The following RCBTB1 variants were observed in gnomAD, a reference collection of about 807,000 sequenced individuals.
RCBTB1 encodes RCC1 and BTB domain-containing protein 1.
In RCBTB1, 46 loss-of-function variants were observed where a neutral mutation model predicts 62.4. The observed-to-expected ratio is 0.74, with a 90% CI of 0.58 to 0.94. The LOEUF (loss-of-function observed/expected upper bound fraction) is 0.94. Ranked by LOEUF, RCBTB1 falls within the 40% of genes least tolerant of loss-of-function variation. RCBTB1 has a pLI of 0.00. For missense variants in RCBTB1, 565 were observed against 654.9 expected (o/e 0.86, Z 1.50); for synonymous variants, 222 against 245.8 (o/e 0.90, Z 0.91).
chr13:49,559,885 A>G (rs753192744), intron 5 of RCBTB1, 33 bp downstream of exon 5: 1 of 1,579,706 alleles, frequency 6.3e-7, no homozygotes, highest in South Asian at 1.2e-5. Context: ...GATGAAAAAA[A>G]AAAAGAATAA....
chr13:49,552,375 A>G, intron 6 of RCBTB1, 90 bp from the exon 7 acceptor site: 2 of 729,026 alleles, frequency 2.7e-6, no homozygotes, highest in Non-Finnish European at 4.6e-6. Flanking sequence ...AACAAATCAG[A>G]TACTTCCAAC....
At chr13:49,573,907 C>T (rs12561469) in intron 2 of RCBTB1, among the ~76,000 whole-genome samples, 33,418 of 150,028 alleles carry the variant, frequency 0.22, 4,537 homozygotes, top group East Asian at 0.54. Flanking sequence ...CCTCAGCCTC[C>T]CGAGTAGCTG....
rs773516004 is a variant in RCBTB1, at chr13:49,567,305, A to AAAT, written c.-29_-27dup. The AAAT allele has an allele frequency of 1.9e-6, 3 of 1,611,550 alleles. No individual in the cohort carries two copies. The highest frequency in any genetic ancestry group is 2.2e-5 in the South Asian group (2 of 90,846). ...GACTCTGGCTTCAAGCAATTCCTAT[A>AAAT]AATAAGCCGACATCTCTGCTGGAAC... On this transcript the variant is annotated 5_prime_UTR_variant, in exon 3 of 13. Transcript: ENST00000378302.
intron 9 of RCBTB1, 89 bp from the exon 10 acceptor site, chr13:49,544,952 TG>T: frequency 9.1e-7 from 1 of 1,094,044 alleles, no homozygotes; most frequent in Non-Finnish European, 1.3e-6. Context: ...ATGACCGTGA[TG>T]GATAATTCCA....
At chr13:49,572,600 T>C (rs910386723) in intron 2 of RCBTB1, among the ~76,000 whole-genome samples, 2 of 152,210 alleles carry the variant, frequency 1.3e-5, no homozygotes, top group East Asian at 3.9e-4. Context: ...GTCAGGAGTT[T>C]GAGACCAGAC....
At chr13:49,576,177 CAAAAA>C (rs71078868) in intron 2 of RCBTB1, among the ~76,000 whole-genome samples, 2 of 39,980 alleles carry the variant, frequency 5.0e-5, no homozygotes, top group Non-Finnish European at 7.7e-5. Context: ...ACAGGCGTCG[CAAAAA>C]AAAAAAAAAA....
intron 9 of RCBTB1, among the ~76,000 whole-genome samples, chr13:49,548,895 C>T (rs938027069): frequency 7.3e-6 from 1 of 137,248 alleles, no homozygotes; most frequent in Non-Finnish European, 1.5e-5. Flanking sequence ...GTAGGCCAGG[C>T]ACAGTGGCAG....
intron 2 of RCBTB1, among the ~76,000 whole-genome samples, chr13:49,570,755 C>T (rs1963342077): frequency 6.6e-6 from 1 of 152,218 alleles, no homozygotes; most frequent in East Asian, 1.9e-4. Flanking sequence ...CCTGCCTTGT[C>T]GTAGACACTG....
At chr13:49,583,411 T>TGC (rs1268442111) in intron 1 of RCBTB1, among the ~76,000 whole-genome samples, 2 of 151,254 alleles carry the variant, frequency 1.3e-5, no homozygotes, top group African/African-American at 4.9e-5. Context: ...TGTGTGTGTG[T>TGC]GTTTTAAATG....
chr13:49,582,261 T>A (rs940255915), intron 1 of RCBTB1, among the ~76,000 whole-genome samples: 1 of 151,990 alleles, frequency 6.6e-6, no homozygotes, highest in Admixed American at 6.5e-5. Context: ...CCGAGGCAGG[T>A]GGATCATCTG....
At chr13:49,550,109 C>A (rs535211275) in intron 8 of RCBTB1, among the ~76,000 whole-genome samples, 10 of 152,190 alleles carry the variant, frequency 6.6e-5, no homozygotes, top group South Asian at 2.1e-4. Flanking sequence ...TCCACCTCAG[C>A]TTCCCAGACC....
chr13:49,548,078 C>T (rs551661528), intron 9 of RCBTB1, among the ~76,000 whole-genome samples: 130 of 152,180 alleles, frequency 8.5e-4, no homozygotes, highest in Non-Finnish European at 1.7e-3. Flanking sequence ...CACACCCAGC[C>T]GGTTCTTCAC....
At chr13:49,546,521 G>A (rs1418840419) in intron 9 of RCBTB1, 1 of 160,974 alleles carries the variant, frequency 6.2e-6, no homozygotes, top group Non-Finnish European at 1.3e-5. Context: ...TTTTATTATT[G>A]TTACACTGTA....
chr13:49,566,500 G>C, intron 4 of RCBTB1, 118 bp downstream of exon 4: 1 of 1,002,808 alleles, frequency 1.0e-6, no homozygotes, highest in Non-Finnish European at 1.4e-6. Context: ...CTTCCTCTCA[G>C]AAATTAAGAA....
At chr13:49,560,202 T>A in intron 4 of RCBTB1, 118 bp from the exon 5 acceptor site, 1 of 1,080,104 alleles carries the variant, frequency 9.3e-7, no homozygotes, top group Admixed American at 2.3e-5. Context: ...CATTGCCCCC[T>A]CCTCTCTATT....
intron 9 of RCBTB1, among the ~76,000 whole-genome samples, chr13:49,548,345 C>T (rs1390336390): frequency 2.7e-5 from 4 of 149,544 alleles, no homozygotes; most frequent in Admixed American, 6.7e-5. Flanking sequence ...GCCGAGATCG[C>T]GCCATTGCAC....
At chr13:49,545,682 G>C (rs1325195431) in intron 9 of RCBTB1, among the ~76,000 whole-genome samples, 1 of 152,170 alleles carries the variant, frequency 6.6e-6, no homozygotes, top group Non-Finnish European at 1.5e-5. Flanking sequence ...TTAAATTCCA[G>C]AGATCCTGAC....
At position 49,576,177 on chromosome 13, in the gene RCBTB1, CAAAAAA is replaced by C. The variant is rs71078868; in HGVS notation, c.-42+4322_-42+4327del. ...ACTCCAGCCTGGGCGACAGGCGTCGCAAAAAAAAAAAAAAAAAAAAAAAAAAAAAGT... is the reference window on the plus strand; with the variant it reads ...ACTCCAGCCTGGGCGACAGGCGTCGCAAAAAAAAAAAAAAAAAAAAAAAGT... On this transcript the variant is annotated intron_variant, in intron 2 of 12. Coordinates refer to ENST00000378302, the MANE Select transcript of RCBTB1 (RefSeq NM_018191.4). Among the ~76,000 whole-genome samples, 6 of 39,974 alleles carry C rather than the reference CAAAAAA, an allele frequency of 1.5e-4. No individual in the cohort carries two copies. In the East Asian group the frequency reaches 4.1e-3, roughly 27 times the overall value. The allele number at this position is 39,974 out of a possible 152,430, so 26.2% of individuals were successfully genotyped here. A position where few individuals can be genotyped will look rare whatever the true frequency, so the allele number is the denominator to read the frequency against.
intron 2 of RCBTB1, among the ~76,000 whole-genome samples, 194 bp downstream of exon 2, chr13:49,580,311 G>A (rs1240128955): frequency 6.6e-6 from 1 of 152,216 alleles, no homozygotes; most frequent in Non-Finnish European, 1.5e-5. Flanking sequence ...ATGGCTGGGT[G>A]AAGTGGCTCA....
Sources: gnomAD v4.1 joint callset for allele counts (sites outside exome capture counted in the v4.1 genomes callset) on GRCh38, gnomAD v4.1.1 for gene constraint, MANE v1.5 for transcripts, NCBI Gene and HGNC (gene_info 2026-07-23, HGNC 2026-07-21) for gene names.